RGS5: variants seen among roughly 807,000 people sequenced by gnomAD.
RGS5 encodes regulator of G protein signaling 5.
RGS5 carries 20 observed loss-of-function variants against 18.9 expected under a neutral mutation model. That is an observed-to-expected ratio of 1.06 (90% CI 0.74 to 1.54). RGS5 has a LOEUF of 1.54. Ranked by LOEUF, RGS5 falls within the 40% of genes most tolerant of loss-of-function variation. The pLI, the probability that RGS5 is intolerant of heterozygous loss-of-function variation, is 0.00. For missense variants in RGS5, 201 were observed against 211.8 expected (o/e 0.95, Z 0.32); for synonymous variants, 57 against 76.2 (o/e 0.75, Z 1.31).
intron 2 of RGS5, among the ~76,000 whole-genome samples, chr1:163,254,660 C>T (rs1463143595): frequency 6.6e-6 from 1 of 152,170 alleles, no homozygotes; most frequent in Non-Finnish European, 1.5e-5. Flanking sequence ...AATTAGATCC[C>T]ATTTGTCAAT....
At chr1:163,296,206 G>A (rs561607366) in intron 2 of RGS5, among the ~76,000 whole-genome samples, 52 of 152,218 alleles carry the variant, frequency 3.4e-4, no homozygotes, top group African/African-American at 1.2e-3. Flanking sequence ...ACTATCTTTG[G>A]CAGAAGTAGG....
intron 1 of RGS5, among the ~76,000 whole-genome samples, chr1:163,176,878 A>G (rs1258034407): frequency 6.6e-6 from 1 of 152,224 alleles, no homozygotes; most frequent in African/African-American, 2.4e-5. Flanking sequence ...GGTTGTAATC[A>G]CTACAATATG....
upstream of RGS5, among the ~76,000 whole-genome samples, chr1:163,205,581 G>A (rs1453917404): frequency 6.6e-6 from 1 of 152,132 alleles, no homozygotes; most frequent in Non-Finnish European, 1.5e-5. Flanking sequence ...GAGGTGAGTA[G>A]GAGTGGTACC....
At chr1:163,316,672 T>C (rs1453481429) in intron 1 of RGS5, among the ~76,000 whole-genome samples, 4 of 152,224 alleles carry the variant, frequency 2.6e-5, no homozygotes, top group African/African-American at 9.6e-5. Flanking sequence ...GAATATTGCT[T>C]TCGGTATTAA....
upstream of RGS5, chr1:163,203,125 G>A (rs1193056864): frequency 1.2e-5 from 4 of 340,358 alleles, no homozygotes; most frequent in East Asian, 5.7e-5. Context: ...CTTGCTAACC[G>A]GCCAGGGCAG....
upstream of RGS5, among the ~76,000 whole-genome samples, chr1:163,205,130 A>C (rs1361178311): frequency 6.6e-6 from 1 of 152,056 alleles, no homozygotes; most frequent in Non-Finnish European, 1.5e-5. Flanking sequence ...CTCTAGAGGC[A>C]GAAAGTAAAA....
chr1:163,255,128 T>C (rs1485618796), intron 2 of RGS5, among the ~76,000 whole-genome samples: 2 of 151,846 alleles, frequency 1.3e-5, no homozygotes, highest in South Asian at 2.1e-4. Flanking sequence ...CTTGGCGATG[T>C]GGGCTCTTTT....
At chr1:163,179,454 G>T (rs539508851) in intron 1 of RGS5, among the ~76,000 whole-genome samples, 10 of 152,148 alleles carry the variant, frequency 6.6e-5, no homozygotes, top group Admixed American at 2.6e-4. Flanking sequence ...CTTACAGAAA[G>T]TCCTGTGCCA....
At chr1:163,313,920 A>G (rs1649941312) in intron 1 of RGS5, among the ~76,000 whole-genome samples, 1 of 152,026 alleles carries the variant, frequency 6.6e-6, no homozygotes, top group Non-Finnish European at 1.5e-5. Context: ...ACTTGGGTTC[A>G]ACTTTTGTCT....
chr1:163,248,205 C>CCTA (rs1225402755), intron 2 of RGS5: 1 of 152,002 alleles, frequency 6.6e-6, no homozygotes, highest in Non-Finnish European at 1.5e-5. Flanking sequence ...GTCAGATCTG[C>CCTA]CTAGGTTTTA....
chr1:163,265,243 A>G (rs1330231406), intron 2 of RGS5, among the ~76,000 whole-genome samples: 1 of 152,086 alleles, frequency 6.6e-6, no homozygotes, highest in African/African-American at 2.4e-5. Context: ...TTAAGTTCAT[A>G]GGGGGAAAAA....
At chr1:163,278,458 A>C (rs1648913260) in intron 2 of RGS5, among the ~76,000 whole-genome samples, 1 of 152,140 alleles carries the variant, frequency 6.6e-6, no homozygotes, top group African/African-American at 2.4e-5. Context: ...CTGGCCACTA[A>C]AAATGCTTAA....
chr1:163,248,180 C>A (rs1015061878), intron 2 of RGS5: 12 of 152,094 alleles, frequency 7.9e-5, no homozygotes, highest in African/African-American at 2.9e-4. Flanking sequence ...CCAGCAGGCC[C>A]AGGAAACATG....
intron 2 of RGS5, among the ~76,000 whole-genome samples, chr1:163,263,867 C>T (rs1012248136): frequency 6.6e-6 from 1 of 150,968 alleles, no homozygotes; most frequent in African/African-American, 2.4e-5. Context: ...ACTAGATGCT[C>T]CATGCCTTAT....
chr1:163,156,133 T>C (rs2456897), intron 3 of RGS5, among the ~76,000 whole-genome samples: 84,804 of 152,020 alleles, frequency 0.56, 25,920 homozygotes, highest in South Asian at 0.72. Flanking sequence ...AATGAAGTCA[T>C]TGATAGTTGA....
At chr1:163,233,026 AT>A (rs1237060291) in intron 2 of RGS5, among the ~76,000 whole-genome samples, 2 of 152,182 alleles carry the variant, frequency 1.3e-5, no homozygotes, top group Non-Finnish European at 2.9e-5. Context: ...GATCAATTTC[AT>A]TATTGTCATG....
chr1:163,257,559 T>C (rs1648306594), intron 2 of RGS5, among the ~76,000 whole-genome samples: 1 of 152,148 alleles, frequency 6.6e-6, no homozygotes, highest in African/African-American at 2.4e-5. Context: ...ATTAATCTTG[T>C]TTTATGTTCT....
intron 2 of RGS5, among the ~76,000 whole-genome samples, chr1:163,235,427 A>G (rs1251888296): frequency 1.3e-5 from 2 of 152,226 alleles, no homozygotes; most frequent in African/African-American, 2.4e-5. Context: ...AAATCATGGA[A>G]TAACTGGTCT....
intron 2 of RGS5, among the ~76,000 whole-genome samples, chr1:163,306,077 T>C (rs1177096052): frequency 6.6e-6 from 1 of 152,202 alleles, no homozygotes; most frequent in East Asian, 1.9e-4. Flanking sequence ...ACTTGGGGCT[T>C]GGGTACATTT....
Sources: gnomAD v4.1 joint callset for allele counts (sites outside exome capture counted in the v4.1 genomes callset) on GRCh38, gnomAD v4.1.1 for gene constraint, MANE v1.5 for transcripts, NCBI Gene and HGNC (gene_info 2026-07-23, HGNC 2026-07-21) for gene names.